Variants in FHIT observed in about 807,000 individuals in gnomAD.
FHIT encodes bis(5'-adenosyl)-triphosphatase.
A neutral mutation model predicts 17.9 loss-of-function variants in FHIT; 19 were observed. The observed-to-expected ratio is 1.06, with a 90% CI of 0.74 to 1.56. FHIT has a LOEUF of 1.56. Ranked by LOEUF, FHIT falls within the 40% of genes most tolerant of loss-of-function variation. FHIT has a pLI of 0.00. For synonymous variants in FHIT, 81 were observed against 69.7 expected (o/e 1.16, Z -0.81); for missense variants, 248 against 189.2 (o/e 1.31, Z -1.82).
chr3:59,816,776 C>T (rs1223067579), intron 8 of FHIT, among the ~76,000 whole-genome samples: 1 of 152,194 alleles, frequency 6.6e-6, no homozygotes, highest in Non-Finnish European at 1.5e-5. Flanking sequence ...GAACCATACT[C>T]CCTGTTTTTC....
intron 5 of FHIT, among the ~76,000 whole-genome samples, chr3:60,062,018 C>A (rs1425304759): frequency 6.6e-6 from 1 of 152,100 alleles, no homozygotes; most frequent in East Asian, 1.9e-4. Flanking sequence ...AGTACAGAGA[C>A]CTGACTCAAA....
intron 8 of FHIT, among the ~76,000 whole-genome samples, chr3:59,833,869 G>T (rs941173968): frequency 6.6e-6 from 1 of 152,106 alleles, no homozygotes; most frequent in Non-Finnish European, 1.5e-5. Flanking sequence ...TGGCTTAAGT[G>T]TATGGCACTT....
At chr3:60,261,728 A>G (rs1293355466) in intron 5 of FHIT, among the ~76,000 whole-genome samples, 1 of 152,040 alleles carries the variant, frequency 6.6e-6, no homozygotes, top group Non-Finnish European at 1.5e-5. Flanking sequence ...GCACTGGAGG[A>G]AACAGCAGAA....
chr3:59,993,272 G>A (rs17061684), intron 7 of FHIT, among the ~76,000 whole-genome samples: 4 of 151,886 alleles, frequency 2.6e-5, no homozygotes, highest in South Asian at 4.2e-4. Context: ...TTGCAACCCC[G>A]GAAAGAGAGG....
intron 5 of FHIT, among the ~76,000 whole-genome samples, chr3:60,422,130 G>GTTT (rs1702496761): frequency 1.3e-5 from 2 of 152,102 alleles, no homozygotes; most frequent in African/African-American, 4.8e-5. Context: ...GGTTATCCTT[G>GTTT]CTTATAAGCA....
At chr3:60,659,027 A>G (rs2040180964) in intron 4 of FHIT, among the ~76,000 whole-genome samples, 1 of 150,008 alleles carries the variant, frequency 6.7e-6, no homozygotes, top group Non-Finnish European at 1.5e-5. Flanking sequence ...CAATTTGCTG[A>G]ATGTAGGATT....
chr3:60,903,333 C>G (rs1248294697), intron 3 of FHIT, among the ~76,000 whole-genome samples: 2 of 152,048 alleles, frequency 1.3e-5, no homozygotes, highest in African/African-American at 4.8e-5. Flanking sequence ...GGTATTTTAC[C>G]TACATTATAT....
chr3:61,175,122 G>A (rs1474932056), intron 2 of FHIT, among the ~76,000 whole-genome samples: 1 of 151,798 alleles, frequency 6.6e-6, no homozygotes, highest in African/African-American at 2.4e-5. Context: ...TGTGGCAGAA[G>A]GGAAAAAAAA....
intron 5 of FHIT, among the ~76,000 whole-genome samples, chr3:60,098,559 G>T (rs993504082): frequency 6.6e-6 from 1 of 151,928 alleles, no homozygotes; most frequent in African/African-American, 2.4e-5. Flanking sequence ...TTTTTGATGG[G>T]GTTGTTTGTT....
At chr3:60,858,445 C>T (rs1703475246) in intron 3 of FHIT, among the ~76,000 whole-genome samples, 1 of 152,092 alleles carries the variant, frequency 6.6e-6, no homozygotes, top group Non-Finnish European at 1.5e-5. Context: ...ACCCTGAAAA[C>T]TCGATTAAAA....
At chr3:60,165,983 T>C (rs1436105212) in intron 5 of FHIT, among the ~76,000 whole-genome samples, 2 of 152,300 alleles carry the variant, frequency 1.3e-5, no homozygotes, top group East Asian at 3.9e-4. Flanking sequence ...CTTTGCTCTT[T>C]TTATCTACTG....
At chr3:60,053,009 C>G (rs954014240) in intron 5 of FHIT, among the ~76,000 whole-genome samples, 5 of 151,846 alleles carry the variant, frequency 3.3e-5, no homozygotes, top group African/African-American at 1.2e-4. Flanking sequence ...TGGCTTTCAT[C>G]TTAGTGTGAG....
At chr3:61,185,436 G>A (rs969651117) in intron 2 of FHIT, among the ~76,000 whole-genome samples, 5 of 152,262 alleles carry the variant, frequency 3.3e-5, no homozygotes, top group African/African-American at 4.8e-5. Context: ...ATCATCATAC[G>A]AACTTAATTT....
chr3:60,646,068 A>G (rs1553686652), intron 4 of FHIT, among the ~76,000 whole-genome samples: 1 of 152,204 alleles, frequency 6.6e-6, no homozygotes, highest in Non-Finnish European at 1.5e-5. Flanking sequence ...AAGAGCCCAG[A>G]TGGTCAGAAA....
At chr3:60,241,470 C>T (rs1705124319) in intron 5 of FHIT, among the ~76,000 whole-genome samples, 1 of 152,076 alleles carries the variant, frequency 6.6e-6, no homozygotes, top group East Asian at 1.9e-4. Context: ...TATTTATTTA[C>T]ATGCATTTAT....
At chr3:60,819,763 G>A (rs1167850924) in intron 4 of FHIT, among the ~76,000 whole-genome samples, 1 of 152,124 alleles carries the variant, frequency 6.6e-6, no homozygotes, top group African/African-American at 2.4e-5. Flanking sequence ...GAGAGGTTGA[G>A]TTCACTAAGA....
At chr3:59,965,686 ATGAAC>A (rs1707893585) in intron 7 of FHIT, among the ~76,000 whole-genome samples, 1 of 152,208 alleles carries the variant, frequency 6.6e-6, no homozygotes, top group African/African-American at 2.4e-5. Flanking sequence ...GATTCTTGAA[ATGAAC>A]TTTTTAAAGA....
intron 5 of FHIT, among the ~76,000 whole-genome samples, chr3:60,084,309 G>T (rs1703409764): frequency 6.6e-6 from 1 of 152,064 alleles, no homozygotes; most frequent in African/African-American, 2.4e-5. Flanking sequence ...AATCAAGGTG[G>T]AGTCTTAACA....
intron 5 of FHIT, among the ~76,000 whole-genome samples, chr3:60,500,324 A>G (rs1486197744): frequency 2.7e-5 from 4 of 150,148 alleles, no homozygotes; most frequent in Non-Finnish European, 4.4e-5. Flanking sequence ...ACTACACAGT[A>G]TATGTTCTCA....
Sources: allele counts gnomAD v4.1 joint callset (sites outside exome capture counted in the v4.1 genomes callset), GRCh38; gene constraint gnomAD v4.1.1; transcripts MANE v1.5; gene names NCBI Gene and HGNC (gene_info 2026-07-23, HGNC 2026-07-21).